Variants in DYNC2LI1 observed in about 807,000 individuals in gnomAD.
The protein encoded by DYNC2LI1 is dynein cytoplasmic 2 light intermediate chain 1, also known as cytoplasmic dynein 2 light intermediate chain 1.
In DYNC2LI1, 45 loss-of-function variants were observed where a neutral mutation model predicts 51.9. The observed-to-expected ratio is 0.87, with a 90% confidence interval of 0.68 to 1.11. The LOEUF is 1.11. DYNC2LI1 is among the 50% of genes most tolerant of loss of function. The probability of loss-of-function intolerance (pLI) is 0.00; values close to 1 mark genes in which losing one functional copy is unlikely to be tolerated. For synonymous variants in DYNC2LI1, 130 were observed against 137.8 expected (o/e 0.94, Z 0.40); for missense variants, 490 against 417.4 (o/e 1.17, Z -1.51).
chr2:43,802,535 A>T (rs1666110030), intron 10 of DYNC2LI1, among the ~76,000 whole-genome samples: 1 of 152,170 alleles, frequency 6.6e-6, no homozygotes, highest in Non-Finnish European at 1.5e-5. Context: ...ACTGATGTTT[A>T]TGATTATAAT....
At chr2:43,804,990 C>G (rs1208524192) in intron 11 of DYNC2LI1, among the ~76,000 whole-genome samples, 164 bp from the exon 12 acceptor site, 1 of 151,858 alleles carries the variant, frequency 6.6e-6, no homozygotes, top group Admixed American at 6.6e-5. Flanking sequence ...GAAAGGGGAC[C>G]TGGCAGAATT....
chr2:43,788,220 G>C (rs182384084), intron 4 of DYNC2LI1, among the ~76,000 whole-genome samples: 3 of 152,302 alleles, frequency 2.0e-5, no homozygotes, highest in Non-Finnish European at 4.4e-5. Flanking sequence ...TTCCAGGGAA[G>C]AATTGTTTTT....
the DYNC2LI1 span, among the ~76,000 whole-genome samples, chr2:43,817,897 G>A: frequency 1.3e-5 from 2 of 151,998 alleles, no homozygotes; most frequent in East Asian, 1.9e-4. Flanking sequence ...GTGACAGAGC[G>A]CGATTCCCTC....
the DYNC2LI1 span, chr2:43,820,052 A>G: frequency 6.2e-7 from 1 of 1,614,230 alleles, no homozygotes. Context: ...CCAAGAGAGC[A>G]GCAGAAAAAT....
At chr2:43,774,698 G>A (rs1310138315) in intron 1 of DYNC2LI1, among the ~76,000 whole-genome samples, 1 of 152,158 alleles carries the variant, frequency 6.6e-6, no homozygotes, top group Non-Finnish European at 1.5e-5. Flanking sequence ...CGGGGAGAGG[G>A]GTCAGGGAGT....
rs147731873 is a variant in DYNC2LI1, at chr2:43,800,908, T to C, written c.722T>C (p.Ile241Thr). 1 of 1,598,516 alleles carries C rather than the reference T, an allele frequency of 6.3e-7. No homozygotes were observed. Among genetic ancestry groups the C allele is most frequent in the Non-Finnish European group, 8.6e-7 (1 of 1,169,548 alleles). Residue 241 changes from isoleucine (I) to threonine (T), a missense_variant, in exon 9 of 13, where the codon ATT becomes ACT. By Grantham distance (89) the Ile-to-Thr change is moderately conservative (BLOSUM62 -1). Transcript: ENST00000260605. ...GTTATCAACCAGTTGGCATTTGGCA[T>C]TGACAAAAGGTACTGCTAAGATATT... ...RGVINQLAFG[I>T]DKSKSICVDQ...
At chr2:43,818,793 G>A in the DYNC2LI1 span, among the ~76,000 whole-genome samples, 11,868 of 152,192 alleles carry the variant, frequency 0.078, 1,121 homozygotes, top group African/African-American at 0.22. Context: ...ATAACTCACT[G>A]CAATTTATAA....
At chr2:43,814,613 G>A, downstream of DYNC2LI1, 1 of 1,393,432 alleles carries the variant, frequency 7.2e-7, no homozygotes, top group Non-Finnish European at 1.0e-6. Flanking sequence ...AAACAAAAAT[G>A]AAATTCAGTA....
chr2:43,788,028 CATAAT>C (rs1232972081), intron 4 of DYNC2LI1, among the ~76,000 whole-genome samples: 1 of 152,052 alleles, frequency 6.6e-6, no homozygotes, highest in Non-Finnish European at 1.5e-5. Flanking sequence ...AAGAAAAAAA[CATAAT>C]ATATAGAGAT....
chr2:43,803,949 C>T (rs1329915678), intron 10 of DYNC2LI1, among the ~76,000 whole-genome samples: 1 of 152,138 alleles, frequency 6.6e-6, no homozygotes, highest in Non-Finnish European at 1.5e-5. Flanking sequence ...TAAAAGAGTA[C>T]ATACAAGGAG....
chr2:43,821,735 A>G, the DYNC2LI1 span, among the ~76,000 whole-genome samples: 2 of 152,162 alleles, frequency 1.3e-5, no homozygotes, highest in Non-Finnish European at 2.9e-5. Context: ...ATGTCCCATG[A>G]TGACTGATAT....
At chr2:43,809,297 A>G (rs1013759403) in intron 12 of DYNC2LI1, among the ~76,000 whole-genome samples, 1 of 152,134 alleles carries the variant, frequency 6.6e-6, no homozygotes, top group Non-Finnish European at 1.5e-5. Flanking sequence ...CAGCCTGGGT[A>G]TGTATTTTTT....
rs138058421 is a variant in DYNC2LI1 at position 43,775,628 on chromosome 2, G to A, written c.9-1154G>A. 1,330 of 321,252 alleles carry A rather than the reference G, an allele frequency of 4.1e-3. 22 individuals carry two copies. Among genetic ancestry groups the A allele is most frequent in the African/African-American group, 0.029 (1,251 of 42,608 alleles). The allele number at this position is 321,252 out of a possible 1,614,324, so 19.9% of individuals were successfully genotyped here. A position where few individuals can be genotyped will look rare whatever the true frequency, so the allele number is the denominator to read the frequency against. The stretch of plus-strand genomic sequence containing the variant: ...TCCTCCTGCCTCAGCCTCCCTAGTA[G>A]CTGGGACCACGAGTGCATGTCACCA... On this transcript the variant is annotated intron_variant, in intron 1 of 12. Coordinates refer to ENST00000260605, the MANE Select transcript of DYNC2LI1 (RefSeq NM_016008.4).
At chr2:43,791,666 G>A (rs150761597) in intron 5 of DYNC2LI1, among the ~76,000 whole-genome samples, 257 of 152,278 alleles carry the variant, frequency 1.7e-3, no homozygotes, top group African/African-American at 5.9e-3. Flanking sequence ...GTTTTTGACT[G>A]GAATTAGTTT....
At chr2:43,821,686 C>G in the DYNC2LI1 span, among the ~76,000 whole-genome samples, 2 of 152,116 alleles carry the variant, frequency 1.3e-5, no homozygotes, top group South Asian at 4.1e-4. Flanking sequence ...GGCCCCTGGA[C>G]CCCTAAGATT....
the DYNC2LI1 span, chr2:43,828,199 G>T: frequency 6.3e-7 from 1 of 1,592,188 alleles, no homozygotes; most frequent in East Asian, 2.2e-5. Flanking sequence ...CATGAAAGAG[G>T]CAGCACACCG....
Position 43,804,755 on chromosome 2 carries a change from T to C in DYNC2LI1, c.900+16T>C. On this transcript the variant is annotated intron_variant, in intron 11 of 12. Transcript: ENST00000260605. The stretch of plus-strand genomic sequence containing the variant: ...TCCACCAAAGGTACATATTTCTAAT[T>C]TTTTTAAAAGCAAGACTTTTAGCAC... 2 of 1,560,396 alleles carry C rather than the reference T, an allele frequency of 1.3e-6. No individual in the cohort carries two copies. Among genetic ancestry groups the C allele is most frequent in the Non-Finnish European group, 1.7e-6 (2 of 1,146,794 alleles).
intron 3 of DYNC2LI1, among the ~76,000 whole-genome samples, chr2:43,785,878 A>G (rs1673502642): frequency 1.3e-5 from 2 of 151,996 alleles, no homozygotes; most frequent in Non-Finnish European, 2.9e-5. Flanking sequence ...GAGATGAAAA[A>G]GTTCTGAATA....
chr2:43,803,615 G>T (rs754643093), intron 10 of DYNC2LI1, among the ~76,000 whole-genome samples: 1 of 152,090 alleles, frequency 6.6e-6, no homozygotes, highest in Non-Finnish European at 1.5e-5. Context: ...AATTAAGTTG[G>T]TGTCTCGACT....
Sources: allele counts gnomAD v4.1 joint callset (sites outside exome capture counted in the v4.1 genomes callset), GRCh38; gene constraint gnomAD v4.1.1; transcripts MANE v1.5; gene names NCBI Gene and HGNC (gene_info 2026-07-23, HGNC 2026-07-21).